ENTPD1: variants seen among roughly 807,000 people sequenced by gnomAD.
ENTPD1 encodes the protein ectonucleoside triphosphate diphosphohydrolase 1.
A neutral mutation model predicts 57.0 loss-of-function variants in ENTPD1; 33 were observed. The ratio of observed to expected loss-of-function variants is 0.58; its 90% CI spans 0.44 to 0.77. The LOEUF is 0.77. ENTPD1 is among the 30% of genes least tolerant of loss of function. The pLI is 0.00. For synonymous variants in ENTPD1, 202 were observed against 218.8 expected, an observed-to-expected ratio of 0.92 and a Z score of 0.68; for missense variants, 501 against 603.4, an observed-to-expected ratio of 0.83 and a Z score of 1.78.
chr10:95,770,934 CAA>C (rs2098113825), intron 1 of ENTPD1, among the ~76,000 whole-genome samples: 2 of 151,998 alleles, frequency 1.3e-5, no homozygotes, highest in African/African-American at 4.8e-5. Flanking sequence ...AAGTTTATAA[CAA>C]AATTTAAAAT....
intron 7 of ENTPD1, among the ~76,000 whole-genome samples, chr10:95,857,517 A>C (rs180697229): frequency 4.6e-5 from 7 of 152,364 alleles, no homozygotes; most frequent in Admixed American, 4.6e-4. Flanking sequence ...AGTAAAGACT[A>C]AAAGGTCTCT....
intron 1 of ENTPD1, among the ~76,000 whole-genome samples, chr10:95,737,505 C>T (rs952921496): frequency 6.6e-6 from 1 of 152,018 alleles, no homozygotes; most frequent in African/African-American, 2.4e-5. Flanking sequence ...CTGCCTCAGC[C>T]TCCTGAGTAG....
chr10:95,726,734 A>G (rs1162311396), intron 1 of ENTPD1, among the ~76,000 whole-genome samples: 1 of 151,978 alleles, frequency 6.6e-6, no homozygotes, highest in Non-Finnish European at 1.5e-5. Flanking sequence ...AAGTTTGATG[A>G]TTGATGTGTT....
intron 1 of ENTPD1, among the ~76,000 whole-genome samples, chr10:95,797,439 G>C (rs2140309348): frequency 6.6e-6 from 1 of 152,232 alleles, no homozygotes; most frequent in Non-Finnish European, 1.5e-5. Flanking sequence ...ATAGAGACTA[G>C]GGCATTGTGT....
rs2141018740 is a variant in ENTPD1, at chr10:95,868,627, A to ATTTAT, written c.*2244_*2245insTTTAT. 1.0e-6 allele frequency: 1 copy of ATTTAT among 983,646 alleles called. No homozygotes were observed. The highest frequency in any genetic ancestry group is 1.2e-6 in the Non-Finnish European group (1 of 828,286). 60.9% of individuals were successfully genotyped at this position (983,646 alleles called of 1,614,324 possible). The stretch of plus-strand genomic sequence containing the variant: ...ATTCTGACCCTCACAACAACCCATA[A>ATTTAT]GGGTGTAAATAGTATTTCCATTTTA... On this transcript the variant is annotated 3_prime_UTR_variant, in exon 10 of 10. Coordinates refer to ENST00000371205, the MANE Select transcript of ENTPD1 (RefSeq NM_001776.6).
rs2098205699 is a variant in ENTPD1, at chr10:95,791,910, G to A, written c.17-31327G>A. Among the ~76,000 whole-genome samples, 1 of 152,174 alleles carries A rather than the reference G, an allele frequency of 6.6e-6. No individual in the cohort carries two copies. Among genetic ancestry groups the A allele is most frequent in the Admixed American group, 6.5e-5 (1 of 15,288 alleles). Reference sequence around the variant, plus strand: ...GAAAAAGAGAAATCATGTTCATGGGGGGTATTTTAGAAGTCAGCATGGTGG... The same window carrying A: ...GAAAAAGAGAAATCATGTTCATGGGAGGTATTTTAGAAGTCAGCATGGTGG... On this transcript the variant is annotated intron_variant, in intron 1 of 9. Coordinates refer to ENST00000371205, the MANE Select transcript of ENTPD1 (RefSeq NM_001776.6). This position sits in a 1 kb window ranked among gnomAD's most constrained non-coding sequence, Gnocchi z 4.1.
chr10:95,792,064 G>A (rs2098206312), intron 1 of ENTPD1, among the ~76,000 whole-genome samples: 1 of 150,806 alleles, frequency 6.6e-6, no homozygotes, highest in South Asian at 2.1e-4. Context: ...AGGGTGCCTT[G>A]CATAGTTAAA....
At position 95,871,702 on chromosome 10, in the gene ENTPD1, A is replaced by T; in HGVS notation, c.*5319A>T. On this transcript the variant is annotated 3_prime_UTR_variant, in exon 10 of 10. Transcript: ENST00000371205. ...TACATAAATTAAGTTATAAATTGACACTATAATCAACTGACACCATGATCA... is the reference window on the plus strand; with the variant it reads ...TACATAAATTAAGTTATAAATTGACTCTATAATCAACTGACACCATGATCA... The T allele has an allele frequency of 2.0e-6, 2 of 985,430 alleles. No individual in the cohort carries two copies. Among genetic ancestry groups the T allele is most frequent in the Non-Finnish European group, 2.4e-6 (2 of 829,908 alleles). 61.0% of individuals were successfully genotyped at this position (985,430 alleles called of 1,614,324 possible).
chr10:95,755,566 T>C, upstream of ENTPD1: 1 of 752,204 alleles, frequency 1.3e-6, no homozygotes, highest in Non-Finnish European at 2.1e-6. Context: ...AGGCAGCGGT[T>C]CCCATTGAGC....
Position 95,868,553 on chromosome 10 carries a change from C to CT in ENTPD1, c.*2176dup, listed in dbSNP as rs1261050941. ...AAATAAGTTGAGCCAATAACAGCCG[C>CT]TTTTTTCCTTCTGTCTGCGTATACA... On this transcript the variant is annotated 3_prime_UTR_variant, in exon 10 of 10. Coordinates refer to ENST00000371205, the MANE Select transcript of ENTPD1 (RefSeq NM_001776.6). 1.5e-5 allele frequency: 15 copies of CT among 985,298 alleles called. No homozygotes were observed. Among genetic ancestry groups the CT allele is most frequent in the Non-Finnish European group, 1.4e-5 (12 of 829,948 alleles). The allele number at this position is 985,298 out of a possible 1,614,324, so 61.0% of individuals were successfully genotyped here. A position where few individuals can be genotyped will look rare whatever the true frequency, so the allele number is the denominator to read the frequency against.
chr10:95,754,808 T>C (rs1439973223), upstream of ENTPD1: 1 of 152,214 alleles, frequency 6.6e-6, no homozygotes, highest in East Asian at 1.9e-4. Flanking sequence ...GTTAAACAGC[T>C]CCAAATTTAT....
At chr10:95,746,154 G>T (rs1257162479) in intron 1 of ENTPD1, among the ~76,000 whole-genome samples, 1 of 152,168 alleles carries the variant, frequency 6.6e-6, no homozygotes, top group Non-Finnish European at 1.5e-5. Flanking sequence ...GGGGGAAAAA[G>T]CAAGAGACAC....
intron 1 of ENTPD1, among the ~76,000 whole-genome samples, chr10:95,795,413 G>A (rs1009217544): frequency 1.3e-5 from 2 of 152,138 alleles, no homozygotes; most frequent in Non-Finnish European, 2.9e-5. Context: ...GGAAAGGAGA[G>A]CATGAATTCT....
At chr10:95,722,147 C>T (rs868135462) in intron 1 of ENTPD1, among the ~76,000 whole-genome samples, 25 of 151,918 alleles carry the variant, frequency 1.6e-4, no homozygotes, top group African/African-American at 5.5e-4. Context: ...GAAAACAGCT[C>T]GAACATTTCA....
chr10:95,773,526 C>T (rs148026423), intron 1 of ENTPD1, among the ~76,000 whole-genome samples: 1 of 152,182 alleles, frequency 6.6e-6, no homozygotes, highest in East Asian at 1.9e-4. Context: ...TTATAGAGCA[C>T]AGGCAGAGCA....
At position 95,872,360 on chromosome 10, in the gene ENTPD1, C is replaced by T; in HGVS notation, c.*5977C>T. ...CTCCAGGCTCATATCCCACTCCACT[C>T]CTCTGATGTTTCCTACACTACACTA... On this transcript the variant is annotated 3_prime_UTR_variant, in exon 10 of 10. Coordinates refer to ENST00000371205, the MANE Select transcript of ENTPD1 (RefSeq NM_001776.6). The T allele has an allele frequency of 7.1e-6, 7 of 985,428 alleles. No homozygotes were observed. Among genetic ancestry groups the T allele is most frequent in the Non-Finnish European group, 8.4e-6 (7 of 829,928 alleles). The allele number at this position is 985,428 out of a possible 1,614,324, so 61.0% of individuals were successfully genotyped here.
intron 7 of ENTPD1, among the ~76,000 whole-genome samples, chr10:95,851,673 T>C (rs2098445471): frequency 6.7e-6 from 1 of 148,950 alleles, no homozygotes; most frequent in South Asian, 2.1e-4. Flanking sequence ...AGTGAGAACA[T>C]GCAGTGTTTG....
chr10:95,786,383 T>G (rs2098180011), intron 1 of ENTPD1, among the ~76,000 whole-genome samples: 1 of 152,150 alleles, frequency 6.6e-6, no homozygotes, highest in African/African-American at 2.4e-5. Context: ...GCACAGAGAC[T>G]TCCATATTGC....
At chr10:95,836,396 GAAAT>G (rs1005965030) in intron 2 of ENTPD1, among the ~76,000 whole-genome samples, 3 of 151,986 alleles carry the variant, frequency 2.0e-5, no homozygotes, top group African/African-American at 7.3e-5. Flanking sequence ...GACTTGGAAG[GAAAT>G]AAATAAAAAT....
Sources: gnomAD v4.1 joint callset for allele counts (sites outside exome capture counted in the v4.1 genomes callset) on GRCh38, gnomAD v4.1.1 for gene constraint, Gnocchi (gnomAD v3.1) non-coding constraint, MANE v1.5 for transcripts, NCBI Gene and HGNC (gene_info 2026-07-23, HGNC 2026-07-21) for gene names.